Variants in PFDN2 observed in about 807,000 individuals in gnomAD.
PFDN2 encodes prefoldin subunit 2.
In PFDN2, 7 loss-of-function variants were observed where a neutral mutation model predicts 18.3. That is an observed-to-expected ratio of 0.38 (90% CI 0.22 to 0.72). The LOEUF (loss-of-function observed/expected upper bound fraction) is 0.72, where lower values mean the gene tolerates loss of function less well. PFDN2 is among the 30% of genes least tolerant of loss of function. The probability of loss-of-function intolerance (pLI) is 0.47; values close to 1 mark genes in which losing one functional copy is unlikely to be tolerated. For synonymous variants in PFDN2, 76 were observed against 75.0 expected, an observed-to-expected ratio of 1.01 and a Z score of -0.07; for missense variants, 181 against 199.1, an observed-to-expected ratio of 0.91 and a Z score of 0.55.
intron 1 of PFDN2, among the ~76,000 whole-genome samples, chr1:161,113,118 T>G (rs149282373): frequency 1.3e-5 from 2 of 152,218 alleles, no homozygotes; most frequent in African/African-American, 4.8e-5. Context: ...AGTTAAACAA[T>G]TAATAATATA....
chr1:161,108,564 CA>C (rs762346640), intron 1 of PFDN2, among the ~76,000 whole-genome samples: 18 of 139,768 alleles, frequency 1.3e-4, no homozygotes, highest in Admixed American at 2.9e-4. Flanking sequence ...GACTCCATCT[CA>C]AAAAAAAAAA....
intron 1 of PFDN2, among the ~76,000 whole-genome samples, chr1:161,105,521 G>C (rs1223568730): frequency 6.6e-6 from 1 of 150,680 alleles, no homozygotes; most frequent in South Asian, 2.1e-4. Context: ...GCAGTGGCGC[G>C]ATCTCAGCTC....
At chr1:161,110,561 T>C (rs1308661352) in intron 1 of PFDN2, among the ~76,000 whole-genome samples, 3 of 152,150 alleles carry the variant, frequency 2.0e-5, no homozygotes, top group African/African-American at 7.2e-5. Flanking sequence ...CTATAATCAT[T>C]ACCTTTCTCT....
chr1:161,102,944 G>A (rs536766702), intron 1 of PFDN2, among the ~76,000 whole-genome samples: 54 of 146,400 alleles, frequency 3.7e-4, no homozygotes, highest in African/African-American at 1.3e-3. Flanking sequence ...GCGACAGAGC[G>A]AAACTCCGTC....
intron 1 of PFDN2, among the ~76,000 whole-genome samples, chr1:161,111,593 C>G (rs1654810548): frequency 6.6e-6 from 1 of 152,200 alleles, no homozygotes; most frequent in African/African-American, 2.4e-5. Flanking sequence ...AGTTGAGAAT[C>G]ACTGCTACAG....
At chr1:161,106,178 C>T (rs1022288293) in intron 1 of PFDN2, among the ~76,000 whole-genome samples, 2 of 152,142 alleles carry the variant, frequency 1.3e-5, no homozygotes, top group Admixed American at 1.3e-4. Context: ...ATGCATAAGA[C>T]ACCTGTCCCC....
At chr1:161,105,771 T>A (rs1004060174) in intron 1 of PFDN2, among the ~76,000 whole-genome samples, 1 of 152,230 alleles carries the variant, frequency 6.6e-6, no homozygotes, top group African/African-American at 2.4e-5. Flanking sequence ...GATTTTTTTT[T>A]AATTCCAACT....
chr1:161,115,909 G>A lies in PFDN2; in HGVS notation c.75+2043C>T, dbSNP rs139833506. Among the ~76,000 whole-genome samples the A allele has an allele frequency of 1.9e-4, 29 of 152,224 alleles. No individual in the cohort carries two copies. In the East Asian group the frequency reaches 5.0e-3, roughly 26 times the overall value. On this transcript the variant is annotated intron_variant, in intron 1 of 3. Transcript: ENST00000368010. ...TATCGCTGTACCCAGCAGAGTGCTT[G>A]GCCCATGGTAGCCTTAAAAATTATT...
chr1:161,110,311 A>C (rs1252433066), intron 1 of PFDN2, among the ~76,000 whole-genome samples: 5 of 151,960 alleles, frequency 3.3e-5, no homozygotes, highest in African/African-American at 9.7e-5. Flanking sequence ...CAATGAGCCA[A>C]CACCACACCA....
intron 1 of PFDN2, among the ~76,000 whole-genome samples, chr1:161,110,901 A>G (rs1654792887): frequency 7.3e-6 from 1 of 137,650 alleles, no homozygotes; most frequent in Non-Finnish European, 1.5e-5. Flanking sequence ...GTGCAGTGGC[A>G]TGATATCGGC....
chr1:161,110,229 C>A (rs1654777022), intron 1 of PFDN2, among the ~76,000 whole-genome samples: 1 of 145,236 alleles, frequency 6.9e-6, no homozygotes, highest in Non-Finnish European at 1.5e-5. Context: ...GGTATGGTGG[C>A]TTATGCCTGT....
At chr1:161,104,447 CT>C (rs550881339) in intron 1 of PFDN2, among the ~76,000 whole-genome samples, 576 of 137,594 alleles carry the variant, frequency 4.2e-3, no homozygotes, top group Admixed American at 4.9e-3. Flanking sequence ...TTTTCTTTTT[CT>C]TTTTTTTTTT....
rs1654587469 is a variant in PFDN2, at chr1:161,102,443, G to C, written c.76-68C>G. The C allele has an allele frequency of 4.0e-6, 5 of 1,240,662 alleles. No homozygotes were observed. In the Admixed American group the frequency reaches 7.0e-5, roughly 17 times the overall value. 76.9% of individuals were successfully genotyped at this position (1,240,662 alleles called of 1,614,324 possible). ...TGGCAGAGGGTCCAGATAGCACATA[G>C]GGTGGCAGGCTTTACAAAGGTGCAG... On this transcript the variant is annotated intron_variant, in intron 1 of 3. Coordinates refer to ENST00000368010, the MANE Select transcript of PFDN2 (RefSeq NM_012394.4).
intron 1 of PFDN2, among the ~76,000 whole-genome samples, chr1:161,111,507 T>C (rs1654808832): frequency 6.6e-6 from 1 of 152,180 alleles, no homozygotes; most frequent in Non-Finnish European, 1.5e-5. Context: ...TAAAAGTCAG[T>C]AGCAACCCCT....
In PFDN2 at chr1:161,118,037, T is replaced by G. The variant is rs376601895; in HGVS notation, c.-11A>C. ...GCTGTTCTCCGCCATCTTCGCCGCC[T>G]GCTGGGTTTCCGGCCGGCGCAGCTC... On this transcript the variant is annotated 5_prime_UTR_variant, in exon 1 of 4. Transcript: ENST00000368010. 6.2e-7 allele frequency: 1 copy of G among 1,610,854 alleles called. No individual in the cohort carries two copies.
intron 1 of PFDN2, among the ~76,000 whole-genome samples, chr1:161,107,144 G>A (rs979608585): frequency 2.0e-5 from 3 of 152,146 alleles, no homozygotes; most frequent in Non-Finnish European, 4.4e-5. Context: ...GCTTAACTAG[G>A]GCCGGGCATG....
At position 161,100,844 on chromosome 1, in the gene PFDN2, C is replaced by T; in HGVS notation, c.304G>A (p.Glu102Lys). Residue 102 changes from glutamate to lysine, a missense_variant, in exon 4 of 4, where the codon GAG becomes AAG. Glu to Lys is a moderately conservative substitution (Grantham distance 56, BLOSUM62 1). Coordinates refer to ENST00000368010, the MANE Select transcript of PFDN2 (RefSeq NM_012394.4). ...NNKEQIQKII[E>K]TLTQQLQAKG... Reference sequence around the variant, plus strand: ...GCCTGAAGCTGCTGTGTCAGTGTCTCAATGATCTTCTGTATCTAGAGGACA... The same window carrying T: ...GCCTGAAGCTGCTGTGTCAGTGTCTTAATGATCTTCTGTATCTAGAGGACA... The T allele has an allele frequency of 6.2e-7, 1 of 1,613,154 alleles. No individual in the cohort carries two copies. The highest frequency in any genetic ancestry group is 8.5e-7 in the Non-Finnish European group (1 of 1,179,210).
Position 161,102,125 on chromosome 1 carries a change from A to G in PFDN2, c.211T>C (p.Tyr71His), listed in dbSNP as rs1413191069. Residue 71 changes from tyrosine (Y) to histidine (H), a missense_variant, in exon 3 of 4, where the codon TAC becomes CAC. By Grantham distance (83) the Tyr-to-His change is moderately conservative. Coordinates refer to ENST00000368010, the MANE Select transcript of PFDN2 (RefSeq NM_012394.4). ...LKEVDETRKC[Y>H]RMVGGVLVER... ...ACCAGCACTCCTCCAACCATGCGGTAGCACTTACGAGTTTCATCTACCTCC... is the reference window on the plus strand; with the variant it reads ...ACCAGCACTCCTCCAACCATGCGGTGGCACTTACGAGTTTCATCTACCTCC... 5 of 1,614,160 alleles carry G rather than the reference A, an allele frequency of 3.1e-6. No homozygotes were observed. The South Asian group carries it at 5.5e-5, about 18-fold the overall frequency.
At chr1:161,101,741 T>C (rs1474121004) in intron 3 of PFDN2, among the ~76,000 whole-genome samples, 2 of 152,126 alleles carry the variant, frequency 1.3e-5, no homozygotes, top group African/African-American at 4.8e-5. Context: ...ATAATGAGCA[T>C]AGGCTATTTT....
Sources: allele counts gnomAD v4.1 joint callset (sites outside exome capture counted in the v4.1 genomes callset), GRCh38; gene constraint gnomAD v4.1.1; transcripts MANE v1.5; gene names NCBI Gene and HGNC (gene_info 2026-07-23, HGNC 2026-07-21).